PCDHGB2: variants seen among roughly 807,000 people sequenced by gnomAD.
PCDHGB2 encodes the protein protocadherin gamma subfamily B, 2.
In PCDHGB2, 55 loss-of-function variants were observed where a neutral mutation model predicts 59.3. That is an observed-to-expected ratio of 0.93 (90% CI 0.75 to 1.16). The LOEUF (loss-of-function observed/expected upper bound fraction) is 1.16. PCDHGB2 is among the 50% of genes most tolerant of loss of function. PCDHGB2 has a pLI of 0.00. For synonymous variants in PCDHGB2, 516 were observed against 512.0 expected (o/e 1.01, Z -0.11); for missense variants, 1,228 against 1,198.5 (o/e 1.02, Z -0.36).
intron 1 of PCDHGB2, chr5:141,478,910 A>C (rs568573298): frequency 1.1e-6 from 1 of 893,688 alleles, no homozygotes; most frequent in Non-Finnish European, 1.6e-6. Context: ...AAGCTGCTGG[A>C]TACCTCTAAC....
chr5:141,472,454 C>T (rs538141635), intron 1 of PCDHGB2, among the ~76,000 whole-genome samples: 3 of 151,192 alleles, frequency 2.0e-5, no homozygotes, highest in South Asian at 4.2e-4. Context: ...GCAGGAGAAT[C>T]GCTTGAACCC....
intron 1 of PCDHGB2, 146 bp from the exon 2 acceptor site, chr5:141,494,661 G>C (rs2099755951): frequency 6.7e-7 from 1 of 1,492,856 alleles, no homozygotes; most frequent in African/African-American, 1.4e-5. Context: ...TTTGTCTTTG[G>C]AGATGAGTCC....
At chr5:141,407,873 A>C (rs561323423) in intron 1 of PCDHGB2, 1 of 354,804 alleles carries the variant, frequency 2.8e-6, no homozygotes, top group African/African-American at 2.1e-5. Flanking sequence ...CGAAGAATAT[A>C]TACATTTCGG....
At chr5:141,414,242 T>C (rs1412230684) in intron 1 of PCDHGB2, 1 of 1,613,538 alleles carries the variant, frequency 6.2e-7, no homozygotes, top group Admixed American at 1.7e-5. Flanking sequence ...ATCACGTCTC[T>C]ATTTAGTCCA....
chr5:141,389,411 CG>C, intron 1 of PCDHGB2: 2 of 1,613,568 alleles, frequency 1.2e-6, no homozygotes, highest in South Asian at 2.2e-5. Flanking sequence ...GCGCGGAGAG[CG>C]GGGTGGTGTT....
At chr5:141,382,840 A>C in intron 1 of PCDHGB2, 1 of 1,450,368 alleles carries the variant, frequency 6.9e-7, no homozygotes, top group Admixed American at 2.3e-5. Flanking sequence ...CCACCCGGAT[A>C]CACCCGCATT....
intron 1 of PCDHGB2, chr5:141,418,952 G>T: frequency 1.9e-6 from 3 of 1,614,050 alleles, no homozygotes; most frequent in Non-Finnish European, 2.5e-6. Context: ...TCCAGGAGTG[G>T]TTGTTGCCCT....
At chr5:141,498,012 A>T (rs184213306) in intron 2 of PCDHGB2, among the ~76,000 whole-genome samples, 6 of 152,348 alleles carry the variant, frequency 3.9e-5, no homozygotes, top group Non-Finnish European at 8.8e-5. Context: ...CAGTGCACTG[A>T]AGGAGACAAA....
At chr5:141,379,494 T>C (rs1469467454) in intron 1 of PCDHGB2, 2 of 152,242 alleles carry the variant, frequency 1.3e-5, no homozygotes, top group Non-Finnish European at 2.9e-5. Context: ...ATACTACCAA[T>C]TTGGGATGTT....
intron 1 of PCDHGB2, chr5:141,478,331 G>C: frequency 6.2e-7 from 1 of 1,613,956 alleles, no homozygotes; most frequent in Non-Finnish European, 8.5e-7. Context: ...CCGAACACCA[G>C]GGCCCTCCTT....
intron 3 of PCDHGB2, among the ~76,000 whole-genome samples, chr5:141,505,782 T>A (rs1163025757): frequency 6.6e-6 from 1 of 152,204 alleles, no homozygotes; most frequent in Non-Finnish European, 1.5e-5. Context: ...CTAGCTCTGC[T>A]ACTATCCTTG....
Position 141,491,019 on chromosome 5 carries a change from A to G in PCDHGB2, c.2422-3788A>G. 5 of 1,614,116 alleles carry G rather than the reference A, an allele frequency of 3.1e-6. No individual in the cohort carries two copies. The highest frequency in any genetic ancestry group is 4.2e-6 in the Non-Finnish European group (5 of 1,180,026). ...CTGGCTCCTTGGTCACCAAGGTGAC[A>G]GCCGTGGATGCTGATGCAGGCCACA... On this transcript the variant is annotated intron_variant, in intron 1 of 3. Coordinates refer to ENST00000522605, the MANE Select transcript of PCDHGB2 (RefSeq NM_018923.3). This position sits in a 1 kb window ranked among gnomAD's most constrained non-coding sequence, Gnocchi z 6.9.
At chr5:141,470,900 G>A (rs1454085317) in intron 1 of PCDHGB2, among the ~76,000 whole-genome samples, 4 of 151,832 alleles carry the variant, frequency 2.6e-5, no homozygotes, top group African/African-American at 9.7e-5. Context: ...GTTTTTTGTA[G>A]AGATGGGACT....
chr5:141,420,401 A>G, intron 1 of PCDHGB2: 1 of 1,249,172 alleles, frequency 8.0e-7, no homozygotes. Flanking sequence ...GGTCAAATTT[A>G]TGGTTATCAT....
At chr5:141,471,654 G>A (rs1235665796) in intron 1 of PCDHGB2, 2 of 152,044 alleles carry the variant, frequency 1.3e-5, no homozygotes, top group South Asian at 2.1e-4. Flanking sequence ...CTGGATGTGG[G>A]GATGCAGAAA....
Position 141,383,215 on chromosome 5 carries a change from T to C in PCDHGB2, c.2421+20659T>C, listed in dbSNP as rs375026409. ...TCAGAGTGCGCGGTGTCTGGTAAAC[T>C]TTAACATCCTGATGGAAGATAAAAT... On this transcript the variant is annotated intron_variant, in intron 1 of 3. Coordinates refer to ENST00000522605, the MANE Select transcript of PCDHGB2 (RefSeq NM_018923.3). The C allele has an allele frequency of 5.6e-6, 9 of 1,613,884 alleles. No individual in the cohort carries two copies. The African/African-American group carries it at 1.2e-4, about 22-fold the overall frequency.
At chr5:141,435,447 A>C (rs2097764160) in intron 1 of PCDHGB2, among the ~76,000 whole-genome samples, 1 of 152,168 alleles carries the variant, frequency 6.6e-6, no homozygotes, top group Non-Finnish European at 1.5e-5. Context: ...CATTAATACG[A>C]TATCTGTATG....
intron 1 of PCDHGB2, chr5:141,423,228 C>T (rs1321708353): frequency 6.2e-7 from 1 of 1,613,748 alleles, no homozygotes; most frequent in Non-Finnish European, 8.5e-7. Flanking sequence ...CTGTGGCCGA[C>T]AGCATCCCCG....
chr5:141,433,110 G>C (rs1031253372), intron 1 of PCDHGB2: 1 of 1,614,098 alleles, frequency 6.2e-7, no homozygotes, highest in Middle Eastern at 1.7e-4. Context: ...AGCCAGGAGA[G>C]CTTTGAAAAA....
Sources: gnomAD v4.1 joint callset for allele counts (sites outside exome capture counted in the v4.1 genomes callset) on GRCh38, gnomAD v4.1.1 for gene constraint, Gnocchi (gnomAD v3.1) non-coding constraint, MANE v1.5 for transcripts, NCBI Gene and HGNC (gene_info 2026-07-23, HGNC 2026-07-21) for gene names.